Variants in PTPRD observed in about 807,000 individuals in gnomAD.
PTPRD encodes protein tyrosine phosphatase receptor type D, also known as receptor-type tyrosine-protein phosphatase delta.
In PTPRD, 34 loss-of-function variants were observed where a neutral mutation model predicts 214.5. That is an observed-to-expected ratio of 0.16 (90% CI 0.12 to 0.21). The LOEUF is 0.21. Among genes scored for constraint, PTPRD ranks in the 10% least tolerant of loss-of-function variants. PTPRD has a pLI of 1.00. For missense variants in PTPRD, 2,545 were observed against 2,398.7 expected (o/e 1.06, Z -1.27); for synonymous variants, 1,128 against 845.7 (o/e 1.33, Z -5.79).
intron 4 of PTPRD, among the ~76,000 whole-genome samples, chr9:10,005,081 G>A (rs1462561595): frequency 6.6e-6 from 1 of 151,984 alleles, no homozygotes; most frequent in Non-Finnish European, 1.5e-5. Context: ...TGTAAAACGT[G>A]GACACTATTT....
chr9:9,521,820 C>G (rs1371512393), intron 8 of PTPRD, among the ~76,000 whole-genome samples: 1 of 151,974 alleles, frequency 6.6e-6, no homozygotes, highest in Non-Finnish European at 1.5e-5. Flanking sequence ...TATAATGGAC[C>G]TGTTTAGTGT....
chr9:9,385,415 A>G (rs1480292860), intron 9 of PTPRD, among the ~76,000 whole-genome samples: 1 of 152,160 alleles, frequency 6.6e-6, no homozygotes, highest in South Asian at 2.1e-4. Flanking sequence ...GTACTAGACA[A>G]TCTTTCACAA....
chr9:8,713,018 C>G (rs891573108), intron 12 of PTPRD, among the ~76,000 whole-genome samples: 1 of 152,184 alleles, frequency 6.6e-6, no homozygotes, highest in East Asian at 1.9e-4. Flanking sequence ...CGCACCCAGC[C>G]TGATTCTTTA....
intron 3 of PTPRD, among the ~76,000 whole-genome samples, chr9:10,076,235 G>C (rs997365150): frequency 6.6e-6 from 1 of 152,002 alleles, no homozygotes; most frequent in African/African-American, 2.4e-5. Flanking sequence ...TTTATTTCCA[G>C]TACTTCCACG....
At chr9:8,827,017 AGT>A (rs2097189586) in intron 11 of PTPRD, among the ~76,000 whole-genome samples, 2 of 151,888 alleles carry the variant, frequency 1.3e-5, no homozygotes, top group South Asian at 4.1e-4. Flanking sequence ...GTCAAACTCT[AGT>A]GTCTTTCTAC....
intron 10 of PTPRD, among the ~76,000 whole-genome samples, chr9:9,030,571 G>C (rs1162714196): frequency 2.0e-5 from 3 of 151,718 alleles, no homozygotes; most frequent in Non-Finnish European, 4.4e-5. Context: ...AGGAAACAGA[G>C]CCAATAGAGA....
At chr9:8,883,842 G>C (rs535410402) in intron 11 of PTPRD, among the ~76,000 whole-genome samples, 2 of 152,272 alleles carry the variant, frequency 1.3e-5, no homozygotes, top group South Asian at 4.1e-4. Flanking sequence ...TCCAGTAATG[G>C]ATATTAGAGC....
chr9:9,864,654 G>A (rs917513743), intron 5 of PTPRD, among the ~76,000 whole-genome samples: 1 of 151,976 alleles, frequency 6.6e-6, no homozygotes, highest in African/African-American at 2.4e-5. Flanking sequence ...ATGTAGCTGG[G>A]ACCACAGGCG....
intron 32 of PTPRD, among the ~76,000 whole-genome samples, chr9:8,464,878 T>A (rs2096511732): frequency 6.6e-6 from 1 of 151,950 alleles, no homozygotes; most frequent in South Asian, 2.1e-4. Context: ...CAGTCACTCA[T>A]AAATTTCTAC....
chr9:9,734,800 C>T (rs2098263816), intron 6 of PTPRD, among the ~76,000 whole-genome samples: 1 of 151,950 alleles, frequency 6.6e-6, no homozygotes, highest in African/African-American at 2.4e-5. Flanking sequence ...AATGTTCTAG[C>T]TCTAGAAAAT....
In PTPRD at chr9:8,845,051, T is replaced by C. The variant is rs1376400691; in HGVS notation, c.-103-111105A>G. Among the ~76,000 whole-genome samples, 3 of 152,162 alleles carry C rather than the reference T, an allele frequency of 2.0e-5. No individual in the cohort carries two copies. The East Asian group carries it at 5.8e-4, about 29-fold the overall frequency. ...TAATAGTGCTTTACTCAGCCTTATA[T>C]TCCCACAGTACTTTGCATTTAGCAT... is the stretch of plus-strand genomic sequence containing the variant. On this transcript the variant is annotated intron_variant, in intron 11 of 45. Transcript: ENST00000381196.
At chr9:10,444,881 C>A (rs969868456) in intron 2 of PTPRD, among the ~76,000 whole-genome samples, 2 of 151,714 alleles carry the variant, frequency 1.3e-5, no homozygotes, top group African/African-American at 2.4e-5. Context: ...TACATGTCAA[C>A]AATTAGAAAG....
chr9:9,360,931 A>T (rs1035604163), intron 9 of PTPRD, among the ~76,000 whole-genome samples: 1 of 151,104 alleles, frequency 6.6e-6, no homozygotes, highest in Non-Finnish European at 1.5e-5. Context: ...GTACACAGAA[A>T]TTACCTTAAA....
intron 11 of PTPRD, among the ~76,000 whole-genome samples, chr9:8,900,870 T>C (rs1321265860): frequency 1.3e-5 from 2 of 152,222 alleles, no homozygotes; most frequent in Non-Finnish European, 2.9e-5. Context: ...ATTGATATAA[T>C]ATTTTTGGCT....
chr9:9,830,717 G>A (rs901243765), intron 5 of PTPRD, among the ~76,000 whole-genome samples: 6 of 151,810 alleles, frequency 4.0e-5, no homozygotes, highest in Non-Finnish European at 7.4e-5. Context: ...TGAAAGACTG[G>A]CAGTGAAATG....
chr9:10,382,318 C>A (rs2097841754), intron 2 of PTPRD, among the ~76,000 whole-genome samples: 1 of 151,926 alleles, frequency 6.6e-6, no homozygotes, highest in South Asian at 2.1e-4. Context: ...AAACACATAT[C>A]AGTCTAGCTT....
intron 33 of PTPRD, among the ~76,000 whole-genome samples, chr9:8,458,673 T>C (rs1260254504): frequency 2.0e-5 from 3 of 152,118 alleles, no homozygotes; most frequent in African/African-American, 7.2e-5. Context: ...GGTCTATGAT[T>C]ACTCACGGGG....
chr9:8,465,181 T>C (rs1009653678), intron 32 of PTPRD, among the ~76,000 whole-genome samples: 4 of 151,918 alleles, frequency 2.6e-5, no homozygotes, highest in Admixed American at 6.6e-5. Context: ...ACCATGATAT[T>C]TGTGTTACAT....
intron 11 of PTPRD, among the ~76,000 whole-genome samples, chr9:9,014,043 G>C (rs1010235999): frequency 6.6e-6 from 1 of 151,944 alleles, no homozygotes; most frequent in African/African-American, 2.4e-5. Context: ...TTCATAATAA[G>C]TACTTGTTGT....
Sources: allele counts gnomAD v4.1 joint callset (sites outside exome capture counted in the v4.1 genomes callset), GRCh38; gene constraint gnomAD v4.1.1; transcripts MANE v1.5; gene names NCBI Gene and HGNC (gene_info 2026-07-23, HGNC 2026-07-21).